TENM2: variants seen among roughly 807,000 people sequenced by gnomAD.
The protein encoded by TENM2 is teneurin transmembrane protein 2, also known as teneurin-2.
Under a neutral mutation model 245.2 loss-of-function variants are expected in TENM2, and 52 were observed. The ratio of observed to expected loss-of-function variants is 0.21; its 90% CI spans 0.17 to 0.27. The LOEUF (loss-of-function observed/expected upper bound fraction) is 0.27, where lower values mean the gene tolerates loss of function less well. Ranked by LOEUF, TENM2 falls within the 10% of genes least tolerant of loss-of-function variation. The probability of loss-of-function intolerance (pLI) is 1.00; values close to 1 mark genes in which losing one functional copy is unlikely to be tolerated. For synonymous variants in TENM2, 1,363 were observed against 1,438.9 expected, an observed-to-expected ratio of 0.95 and a Z score of 1.19; for missense variants, 3,046 against 3,666.8, an observed-to-expected ratio of 0.83 and a Z score of 4.37.
At chr5:167,053,020 T>A in the TENM2 span, among the ~76,000 whole-genome samples, 1 of 152,160 alleles carries the variant, frequency 6.6e-6, no homozygotes, top group Admixed American at 6.5e-5. Flanking sequence ...ATATGTGACA[T>A]CCCAGCTAAA....
At chr5:167,265,958 C>A in the TENM2 span, among the ~76,000 whole-genome samples, 1 of 152,050 alleles carries the variant, frequency 6.6e-6, no homozygotes, top group Non-Finnish European at 1.5e-5. Flanking sequence ...ACTGGCATTG[C>A]AATGAATTTA....
chr5:167,330,865 C>T lies in TENM2; in HGVS notation c.227-44333C>T, dbSNP rs530016396. Among the ~76,000 whole-genome samples, 5 of 152,286 alleles carry T rather than the reference C, an allele frequency of 3.3e-5. No homozygotes were observed. The East Asian group carries it at 9.7e-4, about 29-fold the overall frequency. Reference sequence around the variant, plus strand: ...AGGACAGGGAGTACGTTTCATTCTTCCATGTTTTCTCTGATGCGTAGACAT... The same window carrying T: ...AGGACAGGGAGTACGTTTCATTCTTTCATGTTTTCTCTGATGCGTAGACAT... On this transcript the variant is annotated intron_variant, in intron 1 of 28. Transcript: ENST00000518659.
chr5:167,683,032 A>G (rs1471756960), intron 2 of TENM2, among the ~76,000 whole-genome samples: 3 of 152,172 alleles, frequency 2.0e-5, no homozygotes, highest in Non-Finnish European at 4.4e-5. Context: ...TTAAAAATAT[A>G]TATCTCAAGA....
chr5:168,082,971 C>A (rs1207911307), intron 7 of TENM2, among the ~76,000 whole-genome samples: 1 of 152,176 alleles, frequency 6.6e-6, no homozygotes, highest in African/African-American at 2.4e-5. Context: ...GCACTACTCT[C>A]TTCATAGCTG....
At chr5:168,219,932 A>G (rs1244279660) in intron 23 of TENM2, among the ~76,000 whole-genome samples, 1 of 151,786 alleles carries the variant, frequency 6.6e-6, no homozygotes, top group East Asian at 1.9e-4. Context: ...TTGTATGCCA[A>G]TGGTCTTGGG....
At chr5:168,220,924 C>T (rs752493570) in intron 23 of TENM2, among the ~76,000 whole-genome samples, 17 of 152,012 alleles carry the variant, frequency 1.1e-4, no homozygotes, top group Non-Finnish European at 2.1e-4. Flanking sequence ...CCAGCCTGGC[C>T]AACATGGAAA....
intron 2 of TENM2, among the ~76,000 whole-genome samples, chr5:167,769,481 T>G (rs1169178679): frequency 6.6e-6 from 1 of 152,226 alleles, no homozygotes; most frequent in African/African-American, 2.4e-5. Flanking sequence ...TTAGATTTTA[T>G]CCAGTTAAAC....
chr5:167,988,880 A>G (rs1203968408), intron 4 of TENM2, among the ~76,000 whole-genome samples: 2 of 152,240 alleles, frequency 1.3e-5, no homozygotes, highest in Non-Finnish European at 2.9e-5. Flanking sequence ...CATTTTTAGG[A>G]TTTCACGAAG....
At chr5:167,746,745 A>C (rs1761614803) in intron 2 of TENM2, among the ~76,000 whole-genome samples, 1 of 149,222 alleles carries the variant, frequency 6.7e-6, no homozygotes, top group African/African-American at 2.4e-5. Context: ...TGAGCTACTC[A>C]GAAGATATTC....
intron 2 of TENM2, among the ~76,000 whole-genome samples, chr5:167,834,274 GC>G (rs1768770173): frequency 1.3e-5 from 2 of 152,208 alleles, no homozygotes; most frequent in Admixed American, 1.3e-4. Context: ...GAAGAAGCCA[GC>G]CATGTATAGA....
At chr5:167,728,341 G>A (rs915996686) in intron 2 of TENM2, among the ~76,000 whole-genome samples, 6 of 151,768 alleles carry the variant, frequency 4.0e-5, no homozygotes, top group African/African-American at 1.5e-4. Flanking sequence ...GATGGCTCAC[G>A]CCTGTAATCC....
chr5:167,418,058 G>A (rs868273935), intron 2 of TENM2, among the ~76,000 whole-genome samples: 19 of 152,280 alleles, frequency 1.2e-4, no homozygotes, highest in East Asian at 1.9e-4. Flanking sequence ...AGCTGGGCAC[G>A]GTGGCTCACG....
At chr5:167,251,223 G>A in the TENM2 span, among the ~76,000 whole-genome samples, 1 of 152,076 alleles carries the variant, frequency 6.6e-6, no homozygotes, top group African/African-American at 2.4e-5. Context: ...CTGGAAGAAC[G>A]AGAACTGGCT....
chr5:167,552,527 C>T (rs1036600073), intron 2 of TENM2, among the ~76,000 whole-genome samples: 1 of 152,132 alleles, frequency 6.6e-6, no homozygotes, highest in African/African-American at 2.4e-5. Flanking sequence ...TCCTTCCCCC[C>T]AACCCGCCGC....
intron 2 of TENM2, among the ~76,000 whole-genome samples, chr5:167,544,700 C>G (rs1032050908): frequency 2.0e-5 from 3 of 152,184 alleles, no homozygotes; most frequent in African/African-American, 7.2e-5. Context: ...CAAATGTGTA[C>G]TGGGTGCCCC....
intron 12 of TENM2, among the ~76,000 whole-genome samples, chr5:168,159,418 A>C (rs1238059463): frequency 6.6e-6 from 1 of 152,188 alleles, no homozygotes; most frequent in Non-Finnish European, 1.5e-5. Context: ...GCCCCAGTAT[A>C]AGCCCATTAG....
intron 15 of TENM2, 149 bp downstream of exon 17, chr5:168,195,444 C>T (rs1171680378): frequency 1.1e-6 from 1 of 942,824 alleles, no homozygotes; most frequent in Non-Finnish European, 1.5e-6. Context: ...CCCCCAAAGA[C>T]ATTTCATGCT....
chr5:168,118,303 G>A, exon 10 of TENM2: 2 of 1,592,600 alleles, frequency 1.3e-6, no homozygotes, highest in Admixed American at 1.7e-5. Flanking sequence ...TGCCTGCCCT[G>A]TCCTGTGCAG....
At chr5:167,954,202 A>C (rs2253196) in intron 4 of TENM2, among the ~76,000 whole-genome samples, 2,617 of 151,106 alleles carry the variant, frequency 0.017, 70 homozygotes, top group African/African-American at 0.061. Flanking sequence ...CACACACACA[A>C]ACAAACACAC....
Sources: gnomAD v4.1 joint callset for allele counts (sites outside exome capture counted in the v4.1 genomes callset) on GRCh38, gnomAD v4.1.1 for gene constraint, MANE v1.5 for transcripts, NCBI Gene and HGNC (gene_info 2026-07-23, HGNC 2026-07-21) for gene names.